The following TSNARE1 variants were observed in gnomAD, a reference collection of about 807,000 sequenced individuals.
The protein encoded by TSNARE1 is t-SNARE domain containing 1, also known as t-SNARE domain-containing protein 1.
TSNARE1 carries 49 observed loss-of-function variants against 62.0 expected under a neutral mutation model. That is an observed-to-expected ratio of 0.79 (90% CI 0.63 to 1.00). The LOEUF is 1.00. Ranked by LOEUF, TSNARE1 falls within the 50% of genes least tolerant of loss-of-function variation. The probability of loss-of-function intolerance (pLI) is 0.00; values close to 1 mark genes in which losing one functional copy is unlikely to be tolerated. For missense variants in TSNARE1, 755 were observed against 700.1 expected (o/e 1.08, Z -0.88); for synonymous variants, 328 against 294.4 (o/e 1.11, Z -1.17).
chr8:142,286,215 T>C (rs985962484), intron 10 of TSNARE1, among the ~76,000 whole-genome samples: 1 of 152,044 alleles, frequency 6.6e-6, no homozygotes, highest in East Asian at 1.9e-4. Context: ...ATGGCTGGGT[T>C]CCAGCCAAGT....
At position 142,276,122 on chromosome 8, in the gene TSNARE1, C is replaced by T. The variant is rs1019889702; in HGVS notation, c.1364-1259G>A. 1.2e-5 allele frequency: 12 copies of T among 985,274 alleles called. No individual in the cohort carries two copies. The East Asian group carries it at 6.8e-4, about 56-fold the overall frequency. 61.0% of individuals were successfully genotyped at this position (985,274 alleles called of 1,614,324 possible). On this transcript the variant is annotated intron_variant, in intron 11 of 13. Transcript: ENST00000524325. ...CAGGCACTCGCAGACACACCCTGAT[C>T]GCCGCATCTGGGGGCTCCTGCCCTA...
intron 3 of TSNARE1, among the ~76,000 whole-genome samples, 166 bp from the exon 4 acceptor site, chr8:142,344,638 C>T (rs890675427): frequency 3.9e-5 from 6 of 152,238 alleles, no homozygotes; most frequent in Admixed American, 1.3e-4. Flanking sequence ...CCTGGGCCCA[C>T]GATCCCCTAG....
intron 4 of TSNARE1, among the ~76,000 whole-genome samples, chr8:142,339,134 T>A (rs754133108): frequency 2.3e-4 from 35 of 152,212 alleles, no homozygotes; most frequent in East Asian, 9.7e-4. Flanking sequence ...ACATCCATGA[T>A]GGTGCTTCAA....
At chr8:142,310,096 ATTTTCT>A (rs1420804105) in intron 9 of TSNARE1, among the ~76,000 whole-genome samples, 2 of 151,600 alleles carry the variant, frequency 1.3e-5, no homozygotes, top group Non-Finnish European at 2.9e-5. Context: ...GGTAATCTGT[ATTTTCT>A]TTTTCTATCT....
intron 6 of TSNARE1, among the ~76,000 whole-genome samples, chr8:142,327,694 C>T (rs2131931698): frequency 6.6e-6 from 1 of 152,348 alleles, no homozygotes; most frequent in South Asian, 2.1e-4. Flanking sequence ...TAAGCTCTCA[C>T]TGCAGGAGGC....
At chr8:142,285,968 G>A (rs1822671570) in intron 10 of TSNARE1, among the ~76,000 whole-genome samples, 1 of 152,184 alleles carries the variant, frequency 6.6e-6, no homozygotes, top group South Asian at 2.1e-4. Flanking sequence ...AACAGAGCAG[G>A]GATTGGGGGC....
At chr8:142,322,683 G>A (rs1030576775) in intron 6 of TSNARE1, among the ~76,000 whole-genome samples, 20 of 151,908 alleles carry the variant, frequency 1.3e-4, no homozygotes, top group Admixed American at 1.1e-3. Flanking sequence ...TGGGCTGGAC[G>A]ATGACATTGT....
intron 11 of TSNARE1, among the ~76,000 whole-genome samples, chr8:142,282,077 G>A (rs1056458922): frequency 2.6e-5 from 4 of 152,244 alleles, no homozygotes; most frequent in African/African-American, 7.2e-5. Flanking sequence ...CTTTTCCAGA[G>A]GAACGCAGAG....
At chr8:142,259,013 C>A (rs186132845) in intron 12 of TSNARE1, among the ~76,000 whole-genome samples, 1 of 152,180 alleles carries the variant, frequency 6.6e-6, no homozygotes, top group African/African-American at 2.4e-5. Flanking sequence ...TTGCACGGTC[C>A]GGCAAGCTCA....
At position 142,271,815 on chromosome 8, in the gene TSNARE1, G is replaced by A. The variant is rs147518573; in HGVS notation, c.1446+2966C>T. ...GCACCTGGAGCTGTATGGGTCTCAC[G>A]ATGCTCCGTCTGCAGTGGGAGTTGC... On this transcript the variant is annotated intron_variant, in intron 12 of 13. Coordinates refer to ENST00000524325, the MANE Select transcript of TSNARE1 (RefSeq NM_145003.5). 1,448 of 594,564 alleles carry A rather than the reference G, an allele frequency of 2.4e-3. 37 individuals carry two copies. The East Asian group carries it at 0.047, about 19-fold the overall frequency. 36.8% of individuals were successfully genotyped at this position (594,564 alleles called of 1,614,324 possible). A position where few individuals can be genotyped will look rare whatever the true frequency, so the allele number is the denominator to read the frequency against.
In TSNARE1 at chr8:142,262,038, G is replaced by A. The variant is rs1160662431; in HGVS notation, c.1446+12743C>T. Among the ~76,000 whole-genome samples, 3 of 152,172 alleles carry A rather than the reference G, an allele frequency of 2.0e-5. No homozygotes were observed. The East Asian group carries it at 5.8e-4, about 29-fold the overall frequency. On this transcript the variant is annotated intron_variant, in intron 12 of 13. Transcript: ENST00000524325. Reference sequence around the variant, plus strand: ...GTCCCTCTCACAGGCTCATGAAGCTGCTCACGCCAACCTGCTCATGGTAAC... The same window carrying A: ...GTCCCTCTCACAGGCTCATGAAGCTACTCACGCCAACCTGCTCATGGTAAC...
chr8:142,356,103 G>A (rs1834709972), intron 1 of TSNARE1, among the ~76,000 whole-genome samples: 1 of 152,136 alleles, frequency 6.6e-6, no homozygotes, highest in Non-Finnish European at 1.5e-5. Flanking sequence ...AAAAACCACT[G>A]CATTTTCCAA....
intron 12 of TSNARE1, among the ~76,000 whole-genome samples, chr8:142,244,636 G>A (rs1341837027): frequency 6.6e-6 from 1 of 152,236 alleles, no homozygotes; most frequent in Non-Finnish European, 1.5e-5. Flanking sequence ...GTATGGAAGA[G>A]CGAGGGCCAA....
chr8:142,265,843 A>G (rs1169682611), intron 12 of TSNARE1, among the ~76,000 whole-genome samples: 1 of 152,108 alleles, frequency 6.6e-6, no homozygotes, highest in Admixed American at 6.5e-5. Context: ...TCTTTTCATG[A>G]GCCTACTTGC....
At chr8:142,376,406 G>T (rs1836344541) in intron 1 of TSNARE1, among the ~76,000 whole-genome samples, 1 of 152,194 alleles carries the variant, frequency 6.6e-6, no homozygotes. Context: ...GAGGCATTTG[G>T]GTGGTGAACA....
intron 11 of TSNARE1, among the ~76,000 whole-genome samples, chr8:142,283,494 T>C (rs1233667006): frequency 1.4e-5 from 2 of 143,506 alleles, no homozygotes; most frequent in Non-Finnish European, 3.0e-5. Context: ...TGTCTGTCAA[T>C]GAGCGGAGGC....
In TSNARE1 at chr8:142,275,986, C is replaced by CCAT. The variant is rs1820414151; in HGVS notation, c.1364-1126_1364-1124dup. 3.0e-6 allele frequency: 3 copies of CCAT among 985,320 alleles called. No individual in the cohort carries two copies. The African/African-American group carries it at 5.2e-5, about 17-fold the overall frequency. 61.0% of individuals were successfully genotyped at this position (985,320 alleles called of 1,614,324 possible). A position where few individuals can be genotyped will look rare whatever the true frequency, so the allele number is the denominator to read the frequency against. On this transcript the variant is annotated intron_variant, in intron 11 of 13. Coordinates refer to ENST00000524325, the MANE Select transcript of TSNARE1 (RefSeq NM_145003.5). The stretch of plus-strand genomic sequence containing the variant: ...AAGCCCCCTGGGCAGGAGGTGGAAC[C>CCAT]CATGAGCCCTGCCTTCAGAAGCCCC...
intron 12 of TSNARE1, among the ~76,000 whole-genome samples, chr8:142,260,966 CAGGG>C (rs1305798969): frequency 1.9e-3 from 2 of 1,066 alleles, no homozygotes; most frequent in African/African-American, 5.8e-3. Context: ...ACAAAGCAGT[CAGGG>C]AGGGAGGGAG....
At chr8:142,361,465 G>T (rs1011368829) in intron 1 of TSNARE1, among the ~76,000 whole-genome samples, 4 of 152,308 alleles carry the variant, frequency 2.6e-5, no homozygotes, top group Admixed American at 2.6e-4. Context: ...AAGAAGCGGC[G>T]CTGCCTCCCA....
Sources: allele counts gnomAD v4.1 joint callset (sites outside exome capture counted in the v4.1 genomes callset), GRCh38; gene constraint gnomAD v4.1.1; transcripts MANE v1.5; gene names NCBI Gene and HGNC (gene_info 2026-07-23, HGNC 2026-07-21).